The following SNIP1 variants were observed in gnomAD, a reference collection of about 807,000 sequenced individuals.
SNIP1 encodes Smad nuclear interacting protein 1, also known as smad nuclear-interacting protein 1.
In SNIP1, 23 loss-of-function variants were observed where a neutral mutation model predicts 37.4. The observed-to-expected ratio is 0.61, with a 90% confidence interval of 0.44 to 0.87. The LOEUF (loss-of-function observed/expected upper bound fraction) is 0.87, where lower values mean the gene tolerates loss of function less well. Ranked by LOEUF, SNIP1 falls within the 40% of genes least tolerant of loss-of-function variation. SNIP1 has a pLI of 0.00. For synonymous variants in SNIP1, 174 were observed against 200.0 expected (o/e 0.87, Z 1.10); for missense variants, 459 against 540.4 (o/e 0.85, Z 1.49).
chr1:37,548,928 CTCTT>C (rs1047587207), intron 2 of SNIP1: 1 of 152,194 alleles, frequency 6.6e-6, no homozygotes, highest in African/African-American at 2.4e-5. Context: ...TCCATTAAAC[CTCTT>C]TCTTTTGTAA....
chr1:37,551,269 CAAAAAAAA>C (rs56350752), intron 2 of SNIP1, among the ~76,000 whole-genome samples: 3 of 108,330 alleles, frequency 2.8e-5, no homozygotes, highest in African/African-American at 3.9e-5. Flanking sequence ...GACTCTGTCT[CAAAAAAAA>C]AAAAAAAAGG....
intron 2 of SNIP1, among the ~76,000 whole-genome samples, chr1:37,546,800 G>C (rs753714996): frequency 2.0e-5 from 3 of 152,150 alleles, no homozygotes; most frequent in Non-Finnish European, 2.9e-5. Flanking sequence ...TAAAATTGCT[G>C]GTCAAGATCA....
rs1346725813 is a variant in SNIP1 at position 37,538,016 on chromosome 1, G to A, written c.927-4C>T. On this transcript the variant is annotated splice_polypyrimidine_tract_variant and splice_region_variant and intron_variant, in intron 3 of 3. Coordinates refer to ENST00000296215, the MANE Select transcript of SNIP1 (RefSeq NM_024700.4). ...AGCACGGGTATATTCCACAAGCCTA[G>A]CAGAAAAAAAGGAGAAACCTGTGAG... 1.3e-6 allele frequency: 2 copies of A among 1,578,248 alleles called. No homozygotes were observed. Among genetic ancestry groups the A allele is most frequent in the Admixed American group, 1.9e-5 (1 of 52,024 alleles).
chr1:37,550,394 AT>A (rs1371867605), intron 2 of SNIP1, among the ~76,000 whole-genome samples: 1 of 152,248 alleles, frequency 6.6e-6, no homozygotes, highest in Non-Finnish European at 1.5e-5. Flanking sequence ...AAAAAAGCAA[AT>A]AATAGTATTA....
intron 2 of SNIP1, among the ~76,000 whole-genome samples, chr1:37,546,427 A>G (rs1029189926): frequency 2.6e-5 from 4 of 152,154 alleles, no homozygotes; most frequent in African/African-American, 9.7e-5. Flanking sequence ...TAATTCTAGC[A>G]CTTTGGGAGG....
Position 37,544,826 on chromosome 1 carries a change from G to A in SNIP1, c.328-4071C>T, listed in dbSNP as rs1004118010. On this transcript the variant is annotated intron_variant, in intron 2 of 3. Coordinates refer to ENST00000296215, the MANE Select transcript of SNIP1 (RefSeq NM_024700.4). ...TACCGCCATCAACCGCCAGATCAAC[G>A]TGGAGCTCTATGCCTCCTACATCTA... is the stretch of plus-strand genomic sequence containing the variant. 1.0e-5 allele frequency: 8 copies of A among 767,568 alleles called. No individual in the cohort carries two copies. The East Asian group carries it at 1.2e-4, about 12-fold the overall frequency. 47.5% of individuals were successfully genotyped at this position (767,568 alleles called of 1,614,324 possible).
chr1:37,536,415 A>C lies in SNIP1; in HGVS notation c.*1333T>G, dbSNP rs1360359504. The C allele has an allele frequency of 1.3e-5, 2 of 152,198 alleles. No homozygotes were observed. Among genetic ancestry groups the C allele is most frequent in the Non-Finnish European group, 2.9e-5 (2 of 68,048 alleles). The allele number at this position is 152,198 out of a possible 1,614,324, so 9.4% of individuals were successfully genotyped here. A position where few individuals can be genotyped will look rare whatever the true frequency, so the allele number is the denominator to read the frequency against. On this transcript the variant is annotated 3_prime_UTR_variant, in exon 4 of 4. Transcript: ENST00000296215. ...GGAGGCCAACGATATAACCTGCCCC[A>C]CAACACTCTAAAACAGCTACCTACT...
chr1:37,554,069 G>C lies in SNIP1; in HGVS notation c.161C>G (p.Ser54Cys). The C allele has an allele frequency of 6.2e-7, 1 of 1,601,080 alleles. No individual in the cohort carries two copies. Among genetic ancestry groups the C allele is most frequent in the Non-Finnish European group, 8.5e-7 (1 of 1,175,090 alleles). Residue 54 changes from serine to cysteine, a missense_variant, in exon 1 of 4, where the codon TCT (serine) becomes TGT (cysteine). Transcript: ENST00000296215. Reference sequence around the variant, plus strand: ...GCGGGCCGGCTCGCTGGTCGGCGGAGACGGGCTACCACCGGAGTGGTCCGG... The same window carrying C: ...GCGGGCCGGCTCGCTGGTCGGCGGACACGGGCTACCACCGGAGTGGTCCGG... ...RRPDHSGGSPSPPTSEPARSG... is the reference protein window; with the variant it reads ...RRPDHSGGSPCPPTSEPARSG...
rs1553165371 is a variant in SNIP1 at position 37,535,230 on chromosome 1, T to TAAAAAATAAAAATAATATATAAATAAA, written c.*2517_*2518insTTTATTTATATATTATTTTTATTTTTT. On this transcript the variant is annotated 3_prime_UTR_variant, in exon 4 of 4. Transcript: ENST00000296215. ...ACTAAAAAAAAATAAAAAATAAAAA[T>TAAAAAATAAAAATAATATATAAATAAA]TATATATATAAATTAGCCAGGCTTG... 11 of 17,286 alleles carry TAAAAAATAAAAATAATATATAAATAAA rather than the reference T, an allele frequency of 6.4e-4. No homozygotes were observed. Among genetic ancestry groups the TAAAAAATAAAAATAATATATAAATAAA allele is most frequent in the Non-Finnish European group, 1.5e-3 (9 of 5,932 alleles). The allele number at this position is 17,286 out of a possible 1,614,324, so 1.1% of individuals were successfully genotyped here. A position where few individuals can be genotyped will look rare whatever the true frequency, so the allele number is the denominator to read the frequency against.
At chr1:37,551,440 G>A (rs956371236) in intron 2 of SNIP1, among the ~76,000 whole-genome samples, 8 of 152,060 alleles carry the variant, frequency 5.3e-5, no homozygotes, top group African/African-American at 1.2e-4. Context: ...CCACTATTAC[G>A]GACTAAATTG....
chr1:37,542,622 C>T (rs576582437), intron 2 of SNIP1, among the ~76,000 whole-genome samples: 2 of 152,198 alleles, frequency 1.3e-5, no homozygotes, highest in East Asian at 3.9e-4. Flanking sequence ...TGCCTGTAGT[C>T]CCAGCTACTC....
chr1:37,552,920 T>A (rs947075419), intron 1 of SNIP1, among the ~76,000 whole-genome samples, 173 bp from the exon 2 acceptor site: 4 of 152,202 alleles, frequency 2.6e-5, no homozygotes, highest in African/African-American at 7.2e-5. Flanking sequence ...CTCCCTTGCA[T>A]TCCATACTCA....
Position 37,544,428 on chromosome 1 carries a change from C to G in SNIP1, c.328-3673G>C, listed in dbSNP as rs182348776. 2.7e-3 allele frequency among the ~76,000 whole-genome samples: 283 copies of G among 106,080 alleles called. 2 individuals carry two copies. In the Middle Eastern group the frequency reaches 0.059, roughly 22 times the overall value. The allele number at this position is 106,080 out of a possible 152,430, so 69.6% of individuals were successfully genotyped here. ...GCCACTGCACTCCAGCCTGGGTGGACAGAATGAGACTCTGTCTCAAAAAAA... is the reference window on the plus strand; with the variant it reads ...GCCACTGCACTCCAGCCTGGGTGGAGAGAATGAGACTCTGTCTCAAAAAAA... On this transcript the variant is annotated intron_variant, in intron 2 of 3. Coordinates refer to ENST00000296215, the MANE Select transcript of SNIP1 (RefSeq NM_024700.4).
At chr1:37,548,378 C>T (rs992239442) in intron 2 of SNIP1, among the ~76,000 whole-genome samples, 4 of 151,112 alleles carry the variant, frequency 2.6e-5, no homozygotes, top group African/African-American at 9.7e-5. Flanking sequence ...TGCAGTGGTG[C>T]GATCTTGGCT....
chr1:37,545,131 C>A, intron 2 of SNIP1: 1 of 737,680 alleles, frequency 1.4e-6, no homozygotes, highest in Admixed American at 1.7e-5. Context: ...ACAAAATTAC[C>A]CCCATTTGTG....
intron 2 of SNIP1, among the ~76,000 whole-genome samples, chr1:37,545,470 CAAAAAAA>C (rs74801000): frequency 1.1e-5 from 1 of 87,268 alleles, no homozygotes; most frequent in African/African-American, 4.4e-5. Context: ...CCGCCCCCAC[CAAAAAAA>C]AAAAAAAAAC....
In SNIP1 at chr1:37,537,838, G is replaced by A. The variant is rs774360369; in HGVS notation, c.1101C>T (p.Tyr367=). 2.9e-5 allele frequency: 47 copies of A among 1,613,964 alleles called. No individual in the cohort carries two copies. Among genetic ancestry groups the A allele is most frequent in the East Asian group, 4.5e-5 (2 of 44,896 alleles). The change falls in exon 4 of 4, where the codon TAC becomes TAT. Residue 367 remains tyrosine (Y), a synonymous_variant. Coordinates refer to ENST00000296215, the MANE Select transcript of SNIP1 (RefSeq NM_024700.4). ...TGTCCGACGACTCATGGAGCAAGAC[G>A]TATTCTCTGCTACTGAATCCAAATT... ...VLKFGFSSRE[Y]VLLHESSDTS...
At chr1:37,546,271 A>G (rs1643237727) in intron 2 of SNIP1, among the ~76,000 whole-genome samples, 1 of 151,826 alleles carries the variant, frequency 6.6e-6, no homozygotes, top group African/African-American at 2.4e-5. Context: ...AGCCTCAGAC[A>G]ACCACCCTTC....
intron 2 of SNIP1, among the ~76,000 whole-genome samples, chr1:37,542,035 G>C (rs1384294092): frequency 6.6e-6 from 1 of 151,942 alleles, no homozygotes; most frequent in Non-Finnish European, 1.5e-5. Flanking sequence ...TCTTTAAGTT[G>C]AGAACTTTCA....
Sources: allele counts gnomAD v4.1 joint callset (sites outside exome capture counted in the v4.1 genomes callset), GRCh38; gene constraint gnomAD v4.1.1; transcripts MANE v1.5; gene names NCBI Gene and HGNC (gene_info 2026-07-23, HGNC 2026-07-21).